Variants in CLIP1 observed in about 807,000 individuals in gnomAD.
The protein encoded by CLIP1 is CAP-Gly domain-containing linker protein 1.
Under a neutral mutation model 161.6 loss-of-function variants are expected in CLIP1, and 66 were observed. The observed-to-expected ratio is 0.41, with a 90% confidence interval of 0.33 to 0.50. CLIP1 has a LOEUF of 0.50. Among genes scored for constraint, CLIP1 ranks in the 20% least tolerant of loss-of-function variants. The pLI, the probability that CLIP1 is intolerant of heterozygous loss-of-function variation, is 0.27. For missense variants in CLIP1, 1,376 were observed against 1,702.0 expected (o/e 0.81, Z 3.37); for synonymous variants, 598 against 626.2 (o/e 0.96, Z 0.67).
At chr12:122,372,766 C>A (rs1954519885) in intron 3 of CLIP1, among the ~76,000 whole-genome samples, 1 of 152,072 alleles carries the variant, frequency 6.6e-6, no homozygotes, top group African/African-American at 2.4e-5. Flanking sequence ...TTGTGGACCA[C>A]ACAAAACAGC....
rs138481641 is a variant in CLIP1 at position 122,353,165 on chromosome 12, G to A, written c.1308-379C>T. On this transcript the variant is annotated intron_variant, in intron 7 of 25. Transcript: ENST00000620786. The stretch of plus-strand genomic sequence containing the variant: ...TTAAGAGCGGCCTGAGCAACATGAC[G>A]AGACCTCATCTCCACCAAAAAATTA... Among the ~76,000 whole-genome samples, 571 of 152,110 alleles carry A rather than the reference G, an allele frequency of 3.8e-3. 2 individuals carry two copies. Among genetic ancestry groups the A allele is most frequent in the African/African-American group, 0.013 (545 of 41,472 alleles).
intron 4 of CLIP1, among the ~76,000 whole-genome samples, chr12:122,362,809 C>G (rs1157975934): frequency 7.2e-6 from 1 of 138,044 alleles, no homozygotes; most frequent in Non-Finnish European, 1.6e-5. Context: ...AAAAAGTAAA[C>G]ATGGAGAAAT....
At chr12:122,332,336 TACACATCTATATATAA>T (rs1303733214) in intron 15 of CLIP1, among the ~76,000 whole-genome samples, 1 of 152,094 alleles carries the variant, frequency 6.6e-6, no homozygotes, top group Non-Finnish European at 1.5e-5. Flanking sequence ...TACATCTATA[TACACATCTATATATAA>T]ACACATCTAT....
intron 1 of CLIP1, among the ~76,000 whole-genome samples, chr12:122,381,190 C>T (rs1429478904): frequency 7.9e-5 from 12 of 151,996 alleles, no homozygotes; most frequent in African/African-American, 2.4e-4. Context: ...CCAAACAATG[C>T]GGGGAGAAAA....
At chr12:122,373,121 T>A (rs912379317) in intron 3 of CLIP1, among the ~76,000 whole-genome samples, 4 of 152,150 alleles carry the variant, frequency 2.6e-5, no homozygotes, top group Admixed American at 6.6e-5. Flanking sequence ...ATAAAAAAAA[T>A]TTAATTAAAA....
intron 19 of CLIP1, among the ~76,000 whole-genome samples, chr12:122,316,193 T>A (rs1446269919): frequency 6.6e-6 from 1 of 151,278 alleles, no homozygotes; most frequent in African/African-American, 2.4e-5. Context: ...CTACTCGTAC[T>A]TTCAAGGCTT....
At chr12:122,422,373 C>A (rs991343001) in intron 1 of CLIP1, 148 bp downstream of exon 1, 1 of 151,732 alleles carries the variant, frequency 6.6e-6, no homozygotes, top group Non-Finnish European at 1.5e-5. Context: ...CCCTCCCGGA[C>A]GGCTCCGGCG....
intron 10 of CLIP1, chr12:122,342,513 AAGACTT>A (rs1952552589): frequency 6.6e-6 from 1 of 152,102 alleles, no homozygotes; most frequent in Non-Finnish European, 1.5e-5. Context: ...TCAGATTTTG[AAGACTT>A]AGAAGAAAAG....
intron 10 of CLIP1, 32 bp downstream of exon 10, chr12:122,347,343 G>A (rs1952799079): frequency 1.4e-6 from 2 of 1,478,590 alleles, no homozygotes; most frequent in South Asian, 2.3e-5. Flanking sequence ...CACATGCATG[G>A]GTCTGCTTCA....
intron 21 of CLIP1, 115 bp downstream of exon 21, chr12:122,288,374 A>G (rs1419128492): frequency 2.9e-5 from 26 of 887,436 alleles, no homozygotes; most frequent in Non-Finnish European, 4.4e-5. Flanking sequence ...AACTATCACA[A>G]TGCCATTTTC....
chr12:122,361,315 A>C, intron 4 of CLIP1, 134 bp from the exon 5 acceptor site: 7 of 699,760 alleles, frequency 1.0e-5, no homozygotes, highest in Non-Finnish European at 1.4e-5. Context: ...GGGGTTACAC[A>C]CCAGCACGTA....
Position 122,370,970 on chromosome 12 carries a change from GAAA to G in CLIP1, c.657+6416_657+6418del, listed in dbSNP as rs10548483. Among the ~76,000 whole-genome samples the G allele has an allele frequency of 4.8e-4, 36 of 75,108 alleles. 2 individuals are homozygous for G. The South Asian group carries it at 0.017, about 36-fold the overall frequency. 49.3% of individuals were successfully genotyped at this position (75,108 alleles called of 152,430 possible). A position where few individuals can be genotyped will look rare whatever the true frequency, so the allele number is the denominator to read the frequency against. On this transcript the variant is annotated intron_variant, in intron 3 of 25. Transcript: ENST00000620786. ...AGGACTCTGTCTCAAAAAAAAAAAA[GAAA>G]AAAAAAAAAATCACCTCTTCTAACC...
intron 12 of CLIP1, among the ~76,000 whole-genome samples, chr12:122,335,715 G>A (rs1203446042): frequency 6.6e-6 from 1 of 151,862 alleles, no homozygotes; most frequent in Non-Finnish European, 1.5e-5. Context: ...GCTGAGGCAG[G>A]AGAATTTCTT....
At chr12:122,412,670 A>C (rs1381325389) in intron 1 of CLIP1, among the ~76,000 whole-genome samples, 2 of 152,124 alleles carry the variant, frequency 1.3e-5, no homozygotes, top group East Asian at 3.9e-4. Context: ...AACAAAAAAA[A>C]ACCAAAGTAC....
At chr12:122,336,571 G>T in intron 12 of CLIP1, 61 bp downstream of exon 12, 1 of 849,360 alleles carries the variant, frequency 1.2e-6, no homozygotes. Context: ...CTTACTGGAG[G>T]ATTTTTTAAA....
rs781537594 is a variant in CLIP1, at chr12:122,272,685, A to G, written c.*190T>C. 4.0e-5 allele frequency: 23 copies of G among 578,146 alleles called. No homozygotes were observed. Among genetic ancestry groups the G allele is most frequent in the Non-Finnish European group, 5.9e-5 (19 of 324,148 alleles). 35.8% of individuals were successfully genotyped at this position (578,146 alleles called of 1,614,324 possible). ...TTCGAGGTGAAAACTCACCTACTAA[A>G]TATTTATTATTCTAACTCATACGGG... On this transcript the variant is annotated 3_prime_UTR_variant, in exon 26 of 26. Transcript: ENST00000620786.
chr12:122,415,732 T>C (rs1008331361), intron 1 of CLIP1, among the ~76,000 whole-genome samples: 15 of 150,994 alleles, frequency 9.9e-5, no homozygotes, highest in African/African-American at 3.7e-4. Context: ...GGCAGGAGAA[T>C]TGCTTGAACC....
intron 5 of CLIP1, among the ~76,000 whole-genome samples, chr12:122,357,722 T>G (rs1593153457): frequency 7.7e-6 from 1 of 129,650 alleles, no homozygotes; most frequent in African/African-American, 3.0e-5. Flanking sequence ...AGCCGCCCCG[T>G]CCGGGAGGTG....
chr12:122,377,464 T>A lies in CLIP1; in HGVS notation c.582A>T (p.Glu194Asp). The A allele has an allele frequency of 6.2e-7, 1 of 1,614,140 alleles. No individual in the cohort carries two copies. The highest frequency in any genetic ancestry group is 2.2e-5 in the East Asian group (1 of 44,878). ...PISNLTKTAS[E>D]SISNLSEAGS... is the part of the protein sequence containing the mutation. Reference sequence around the variant, plus strand: ...CAGCCTCTGAAAGGTTGGAGATAGATTCACTGGCAGTTTTTGTAAGGTTGC... The same window carrying A: ...CAGCCTCTGAAAGGTTGGAGATAGAATCACTGGCAGTTTTTGTAAGGTTGC... Residue 194 changes from glutamate (E) to aspartate (D), a missense_variant, in exon 3 of 26, where the codon GAA (glutamate) becomes GAT (aspartate). Physicochemically the swap from Glu to Asp is conservative, Grantham distance 45. Transcript: ENST00000620786.
Sources: gnomAD v4.1 joint callset for allele counts (sites outside exome capture counted in the v4.1 genomes callset) on GRCh38, gnomAD v4.1.1 for gene constraint, MANE v1.5 for transcripts, NCBI Gene and HGNC (gene_info 2026-07-23, HGNC 2026-07-21) for gene names.